ST8SIA6: variants seen among roughly 807,000 people sequenced by gnomAD.
The protein encoded by ST8SIA6 is alpha-2,8-sialyltransferase 8F.
Under a neutral mutation model 33.6 loss-of-function variants are expected in ST8SIA6, and 39 were observed. The observed-to-expected ratio is 1.16, with a 90% CI of 0.90 to 1.52. ST8SIA6 has a LOEUF of 1.52. Among genes scored for constraint, ST8SIA6 ranks in the 40% most tolerant of loss-of-function variants. The pLI, the probability that ST8SIA6 is intolerant of heterozygous loss-of-function variation, is 0.00. For synonymous variants in ST8SIA6, 172 were observed against 167.2 expected, an observed-to-expected ratio of 1.03 and a Z score of -0.22; for missense variants, 441 against 443.8, an observed-to-expected ratio of 0.99 and a Z score of 0.06.
At chr10:17,402,112 G>A (rs1851066637) in intron 2 of ST8SIA6, among the ~76,000 whole-genome samples, 1 of 152,082 alleles carries the variant, frequency 6.6e-6, no homozygotes, top group Admixed American at 6.6e-5. Context: ...TCAACAAGTG[G>A]GCGAAGGATA....
chr10:17,390,805 A>AAAAAAC (rs1554795669), intron 2 of ST8SIA6, among the ~76,000 whole-genome samples, 185 bp from the exon 3 acceptor site: 5 of 151,520 alleles, frequency 3.3e-5, no homozygotes, highest in Non-Finnish European at 5.9e-5. Context: ...AAATGAAAAA[A>AAAAAAC]AAAACAAAAA....
At chr10:17,420,751 T>C (rs1177618555) in intron 2 of ST8SIA6, among the ~76,000 whole-genome samples, 1 of 152,184 alleles carries the variant, frequency 6.6e-6, no homozygotes, top group East Asian at 1.9e-4. Flanking sequence ...ACACCTTGTA[T>C]TGGTGTCACA....
intron 2 of ST8SIA6, among the ~76,000 whole-genome samples, chr10:17,427,141 A>C (rs935911221): frequency 1.5e-4 from 23 of 152,118 alleles, no homozygotes; most frequent in African/African-American, 5.3e-4. Context: ...AAAGGGGGAA[A>C]GGGGGATAAA....
At chr10:17,369,504 C>T (rs945103735) in intron 3 of ST8SIA6, among the ~76,000 whole-genome samples, 17 of 152,054 alleles carry the variant, frequency 1.1e-4, no homozygotes, top group African/African-American at 3.6e-4. Context: ...TGGTATATCC[C>T]GGAGAATGAT....
At chr10:17,337,830 G>A (rs1023710141) in intron 4 of ST8SIA6, among the ~76,000 whole-genome samples, 5 of 152,072 alleles carry the variant, frequency 3.3e-5, no homozygotes, top group Non-Finnish European at 7.4e-5. Flanking sequence ...TTAAGAAATG[G>A]AGGACACTGT....
chr10:17,449,964 A>G (rs1852849539), intron 2 of ST8SIA6, among the ~76,000 whole-genome samples: 1 of 152,202 alleles, frequency 6.6e-6, no homozygotes, highest in Admixed American at 6.5e-5. Flanking sequence ...TCCTGAGATA[A>G]CTAAGAGTAG....
At chr10:17,353,673 A>G (rs551097838) in intron 4 of ST8SIA6, among the ~76,000 whole-genome samples, 1 of 152,348 alleles carries the variant, frequency 6.6e-6, no homozygotes, top group South Asian at 2.1e-4. Context: ...AGTTATCTGT[A>G]ACAAAGTAAT....
In ST8SIA6 at chr10:17,320,605, C is replaced by G; in HGVS notation, c.*273G>C. On this transcript the variant is annotated 3_prime_UTR_variant, in exon 8 of 8. Transcript: ENST00000377602. ...AGTAAGAAAGAAATATTCTTTGAGT[C>G]CCTACCTCACACCAAAGGCCATGCC... is the stretch of plus-strand genomic sequence containing the variant. 1 of 416,410 alleles carries G rather than the reference C, an allele frequency of 2.4e-6. No individual in the cohort carries two copies. Among genetic ancestry groups the G allele is most frequent in the Non-Finnish European group, 4.3e-6 (1 of 231,180 alleles). 25.8% of individuals were successfully genotyped at this position (416,410 alleles called of 1,614,324 possible). A position where few individuals can be genotyped will look rare whatever the true frequency, so the allele number is the denominator to read the frequency against.
intron 4 of ST8SIA6, among the ~76,000 whole-genome samples, chr10:17,352,504 A>G (rs1849067695): frequency 6.6e-6 from 1 of 152,196 alleles, no homozygotes; most frequent in African/African-American, 2.4e-5. Flanking sequence ...TGTACCAATG[A>G]AGACATGGCA....
chr10:17,437,449 G>C (rs1314159042), intron 2 of ST8SIA6, among the ~76,000 whole-genome samples: 1 of 152,164 alleles, frequency 6.6e-6, no homozygotes, highest in Admixed American at 6.5e-5. Flanking sequence ...TGGGATTACA[G>C]GTGTAAGCCA....
chr10:17,445,595 G>A lies in ST8SIA6; in HGVS notation c.200+7964C>T, dbSNP rs770324351. ...AAATCAGGTAGCTTCTCCCACACAG[G>A]AAGGGATCTGCTGCCTGAGGCAGAA... On this transcript the variant is annotated intron_variant, in intron 2 of 7. Transcript: ENST00000377602. Among the ~76,000 whole-genome samples the A allele has an allele frequency of 5.0e-4, 76 of 152,308 alleles. 1 individual carries two copies. In the Middle Eastern group the frequency reaches 0.014, roughly 27 times the overall value.
chr10:17,452,936 A>G (rs1332900444), intron 2 of ST8SIA6, among the ~76,000 whole-genome samples: 2 of 152,158 alleles, frequency 1.3e-5, no homozygotes, highest in Non-Finnish European at 1.5e-5. Flanking sequence ...ACCACCTTGA[A>G]TATGGTCTCT....
intron 2 of ST8SIA6, among the ~76,000 whole-genome samples, chr10:17,452,337 A>G (rs1852942242): frequency 6.6e-6 from 1 of 152,190 alleles, no homozygotes; most frequent in African/African-American, 2.4e-5. Flanking sequence ...GAGTTACACC[A>G]TCAGAAGATT....
chr10:17,319,540 G>A lies in ST8SIA6; in HGVS notation c.*1338C>T, dbSNP rs530129067. Reference sequence around the variant, plus strand: ...CCCGCAAACATTCTTTTTCTCCTAAGCTTTTACTGGAACATGGGTATCACT... The same window carrying A: ...CCCGCAAACATTCTTTTTCTCCTAAACTTTTACTGGAACATGGGTATCACT... On this transcript the variant is annotated 3_prime_UTR_variant, in exon 8 of 8. Transcript: ENST00000377602. Among the ~76,000 whole-genome samples, 1 of 152,178 alleles carries A rather than the reference G, an allele frequency of 6.6e-6. No homozygotes were observed. The highest frequency in any genetic ancestry group is 1.5e-5 in the Non-Finnish European group (1 of 68,006).
intron 4 of ST8SIA6, among the ~76,000 whole-genome samples, chr10:17,340,789 A>G (rs1848647708): frequency 6.6e-6 from 1 of 152,218 alleles, no homozygotes; most frequent in African/African-American, 2.4e-5. Context: ...TCAAGTTCGT[A>G]TTTGGAAGAA....
chr10:17,335,767 T>A (rs1848479667), intron 4 of ST8SIA6, among the ~76,000 whole-genome samples: 1 of 152,190 alleles, frequency 6.6e-6, no homozygotes, highest in Non-Finnish European at 1.5e-5. Flanking sequence ...ATTCAGAAAT[T>A]CTTATGCGTA....
intron 2 of ST8SIA6, among the ~76,000 whole-genome samples, chr10:17,392,045 G>T (rs1255433871): frequency 6.6e-6 from 1 of 152,188 alleles, no homozygotes; most frequent in African/African-American, 2.4e-5. Context: ...TCATCCTGAA[G>T]GTATTCGTTG....
Position 17,319,850 on chromosome 10 carries a change from A to T in ST8SIA6, c.*1028T>A, listed in dbSNP as rs1013561447. Reference sequence around the variant, plus strand: ...AGGCATCCACAGGGGGTCTTCCCATATCTGCAGATTAGGGGAGACTATTGT... The same window carrying T: ...AGGCATCCACAGGGGGTCTTCCCATTTCTGCAGATTAGGGGAGACTATTGT... On this transcript the variant is annotated 3_prime_UTR_variant, in exon 8 of 8. Coordinates refer to ENST00000377602, the MANE Select transcript of ST8SIA6 (RefSeq NM_001004470.3). 6.6e-6 allele frequency: 1 copy of T among 152,210 alleles called. No homozygotes were observed. The highest frequency in any genetic ancestry group is 2.4e-5 in the African/African-American group (1 of 41,474). 9.4% of individuals were successfully genotyped at this position (152,210 alleles called of 1,614,324 possible). A position where few individuals can be genotyped will look rare whatever the true frequency, so the allele number is the denominator to read the frequency against.
intron 2 of ST8SIA6, among the ~76,000 whole-genome samples, chr10:17,401,990 G>C (rs1287143793): frequency 6.6e-6 from 1 of 152,054 alleles, no homozygotes; most frequent in Non-Finnish European, 1.5e-5. Flanking sequence ...TCAGAGTGAA[G>C]AGGCAACCTA....
Sources: gnomAD v4.1 joint callset for allele counts (sites outside exome capture counted in the v4.1 genomes callset) on GRCh38, gnomAD v4.1.1 for gene constraint, MANE v1.5 for transcripts, NCBI Gene and HGNC (gene_info 2026-07-23, HGNC 2026-07-21) for gene names.